The following NCKAP5 variants were observed in gnomAD, a reference collection of about 807,000 sequenced individuals.
NCKAP5 encodes the protein NCK associated protein 5, also known as nck-associated protein 5.
Under a neutral mutation model 167.0 loss-of-function variants are expected in NCKAP5, and 92 were observed. The ratio of observed to expected loss-of-function variants is 0.55; its 90% CI spans 0.47 to 0.66. The LOEUF (loss-of-function observed/expected upper bound fraction) is 0.66. NCKAP5 is among the 30% of genes least tolerant of loss of function. The probability of loss-of-function intolerance (pLI) is 0.00; values close to 1 mark genes in which losing one functional copy is unlikely to be tolerated. For missense variants in NCKAP5, 2,378 were observed against 2,315.0 expected (o/e 1.03, Z -0.56); for synonymous variants, 891 against 877.4 (o/e 1.02, Z -0.27).
intron 6 of NCKAP5, among the ~76,000 whole-genome samples, chr2:133,054,974 A>G (rs1363477815): frequency 6.6e-6 from 1 of 152,238 alleles, no homozygotes; most frequent in Non-Finnish European, 1.5e-5. Context: ...ATATCTGTAT[A>G]AGGCCTCACA....
At chr2:132,832,351 G>T (rs1389232290) in intron 11 of NCKAP5, among the ~76,000 whole-genome samples, 1 of 152,108 alleles carries the variant, frequency 6.6e-6, no homozygotes, top group Non-Finnish European at 1.5e-5. Flanking sequence ...TTGCTGGCAT[G>T]TAGAAATGCT....
At chr2:133,605,821 C>T in the NCKAP5 span, among the ~76,000 whole-genome samples, 1 of 152,056 alleles carries the variant, frequency 6.6e-6, no homozygotes, top group Non-Finnish European at 1.5e-5. Context: ...AATTTCATTC[C>T]CTAATACAGT....
intron 11 of NCKAP5, among the ~76,000 whole-genome samples, chr2:132,837,496 G>T (rs1261989124): frequency 2.6e-5 from 4 of 151,594 alleles, no homozygotes; most frequent in Admixed American, 6.6e-5. Flanking sequence ...TTTTCATTGT[G>T]GTTATCATAT....
At chr2:132,744,183 C>A (rs796438378) in intron 16 of NCKAP5, among the ~76,000 whole-genome samples, 2 of 151,652 alleles carry the variant, frequency 1.3e-5, no homozygotes, top group South Asian at 4.2e-4. Flanking sequence ...AAACTTTGAC[C>A]AATGTGAATT....
At chr2:133,303,494 A>G (rs1382779902) in intron 3 of NCKAP5, among the ~76,000 whole-genome samples, 1 of 152,208 alleles carries the variant, frequency 6.6e-6, no homozygotes, top group Non-Finnish European at 1.5e-5. Flanking sequence ...TATGACAGTC[A>G]TGTTCCAGCA....
At chr2:133,041,002 G>A (rs764536883) in intron 6 of NCKAP5, among the ~76,000 whole-genome samples, 67 of 152,272 alleles carry the variant, frequency 4.4e-4, no homozygotes, top group Non-Finnish European at 7.6e-4. Context: ...GGAATGGCCT[G>A]AGCGCAAATG....
chr2:133,055,430 G>A (rs917744490), intron 6 of NCKAP5, among the ~76,000 whole-genome samples: 2 of 150,814 alleles, frequency 1.3e-5, no homozygotes, highest in African/African-American at 2.4e-5. Context: ...CCTTGAAAAC[G>A]CCAGAAGATG....
chr2:133,078,805 TTC>T lies in NCKAP5; in HGVS notation c.341+51171_341+51172del. Among the ~76,000 whole-genome samples, 2 of 152,158 alleles carry T rather than the reference TTC, an allele frequency of 1.3e-5. 1 individual carries two copies. The highest frequency in any genetic ancestry group is 4.2e-4 in the South Asian group (2 of 4,818). ...GGCCTATGAAGCACTATAGGATGTG[TTC>T]GGTATCTCAGCAACAAGAGATGCCT... is the stretch of plus-strand genomic sequence containing the variant. On this transcript the variant is annotated intron_variant, in intron 6 of 19. Transcript: ENST00000409261.
intron 3 of NCKAP5, among the ~76,000 whole-genome samples, chr2:133,486,269 A>G (rs1193504849): frequency 6.6e-6 from 1 of 152,224 alleles, no homozygotes; most frequent in Non-Finnish European, 1.5e-5. Flanking sequence ...TAGACATCAC[A>G]TGCCTTTTTC....
chr2:133,008,600 T>C (rs1468472632), intron 6 of NCKAP5, among the ~76,000 whole-genome samples: 1 of 152,228 alleles, frequency 6.6e-6, no homozygotes, highest in Non-Finnish European at 1.5e-5. Context: ...AGGATACTTC[T>C]AATGTTTCAC....
the NCKAP5 span, among the ~76,000 whole-genome samples, chr2:133,578,657 C>T: frequency 3.3e-5 from 5 of 152,184 alleles, no homozygotes; most frequent in Admixed American, 6.5e-5. Flanking sequence ...CCCCAATGCA[C>T]GTCTCCTATG....
At chr2:133,523,957 C>A (rs1401310897) in intron 2 of NCKAP5, among the ~76,000 whole-genome samples, 5 of 152,156 alleles carry the variant, frequency 3.3e-5, no homozygotes, top group Non-Finnish European at 7.4e-5. Context: ...CACCAGATCA[C>A]TTGAATCTCT....
chr2:133,375,530 T>G (rs2150927463), intron 3 of NCKAP5, among the ~76,000 whole-genome samples: 1 of 152,304 alleles, frequency 6.6e-6, no homozygotes, highest in Middle Eastern at 3.4e-3. Flanking sequence ...TACAGGTTAT[T>G]TCATCACACA....
At chr2:133,399,387 A>T (rs928510664) in intron 3 of NCKAP5, among the ~76,000 whole-genome samples, 29 of 135,792 alleles carry the variant, frequency 2.1e-4, no homozygotes, top group African/African-American at 6.2e-4. Context: ...CCTAAGATTA[A>T]AAAAAAAAAA....
intron 19 of NCKAP5, 150 bp from the exon 20 acceptor site, chr2:132,673,455 GTAA>G (rs1684001685): frequency 3.3e-6 from 2 of 604,948 alleles, no homozygotes; most frequent in Non-Finnish European, 4.9e-6. Flanking sequence ...ATAATTAGAT[GTAA>G]TAATAAAGCC....
chr2:133,202,020 A>C (rs2085716111), intron 5 of NCKAP5, among the ~76,000 whole-genome samples: 1 of 152,178 alleles, frequency 6.6e-6, no homozygotes, highest in Admixed American at 6.5e-5. Flanking sequence ...TTCTTCACAG[A>C]GTTGGAAAAA....
intron 2 of NCKAP5, among the ~76,000 whole-genome samples, chr2:133,539,525 T>A (rs1686052153): frequency 6.6e-6 from 1 of 151,282 alleles, no homozygotes; most frequent in Admixed American, 6.6e-5. Context: ...AAACATAAAA[T>A]AGAATACCAA....
chr2:133,147,011 T>C (rs1474933674), intron 5 of NCKAP5, among the ~76,000 whole-genome samples: 1 of 152,176 alleles, frequency 6.6e-6, no homozygotes, highest in East Asian at 1.9e-4. Context: ...AGTGGTTTTG[T>C]ATTACAGTGA....
intron 3 of NCKAP5, among the ~76,000 whole-genome samples, chr2:133,448,693 G>T (rs1574973767): frequency 6.6e-6 from 1 of 152,038 alleles, no homozygotes; most frequent in South Asian, 2.1e-4. Flanking sequence ...CAGGCCAAGT[G>T]CAGTGGCATG....
Sources: gnomAD v4.1 joint callset for allele counts (sites outside exome capture counted in the v4.1 genomes callset) on GRCh38, gnomAD v4.1.1 for gene constraint, MANE v1.5 for transcripts, NCBI Gene and HGNC (gene_info 2026-07-23, HGNC 2026-07-21) for gene names.